The following PPP2R2B variants were observed in gnomAD, a reference collection of about 807,000 sequenced individuals.
PPP2R2B encodes protein phosphatase 2 regulatory subunit Bbeta.
Under a neutral mutation model 46.0 loss-of-function variants are expected in PPP2R2B, and 5 were observed. That is an observed-to-expected ratio of 0.11 (90% CI 0.06 to 0.23). The LOEUF is 0.23. Ranked by LOEUF, PPP2R2B falls within the 10% of genes least tolerant of loss-of-function variation. The probability of loss-of-function intolerance (pLI) is 1.00; values close to 1 mark genes in which losing one functional copy is unlikely to be tolerated. For missense variants in PPP2R2B, 367 were observed against 575.0 expected, an observed-to-expected ratio of 0.64 and a Z score of 3.70; for synonymous variants, 215 against 206.7, an observed-to-expected ratio of 1.04 and a Z score of -0.34.
intron 6 of PPP2R2B, among the ~76,000 whole-genome samples, chr5:146,644,234 C>A (rs1452401900): frequency 8.1e-4 from 49 of 60,652 alleles, no homozygotes; most frequent in African/African-American, 1.1e-3. Flanking sequence ...AGGAAAGTTT[C>A]AAAAAAAAAA....
chr5:146,984,010 A>T (rs922215038), intron 1 of PPP2R2B, among the ~76,000 whole-genome samples: 1 of 152,124 alleles, frequency 6.6e-6, no homozygotes, highest in Non-Finnish European at 1.5e-5. Flanking sequence ...TAATATTATG[A>T]TTTATGAACA....
chr5:146,791,341 C>T (rs1040643919), intron 2 of PPP2R2B, among the ~76,000 whole-genome samples: 4 of 151,986 alleles, frequency 2.6e-5, no homozygotes, highest in African/African-American at 9.7e-5. Context: ...AGTGTCGATC[C>T]CCCCTTTTTC....
intron 1 of PPP2R2B, among the ~76,000 whole-genome samples, chr5:147,025,385 GAAGA>G (rs761947261): frequency 6.6e-6 from 1 of 151,512 alleles, no homozygotes; most frequent in Non-Finnish European, 1.5e-5. Flanking sequence ...AAAAAATGGA[GAAGA>G]AAGAAACAAT....
chr5:146,912,322 T>C (rs1232865625), intron 1 of PPP2R2B, among the ~76,000 whole-genome samples: 2 of 148,560 alleles, frequency 1.3e-5, no homozygotes, highest in African/African-American at 2.5e-5. Context: ...GAGGAATCAG[T>C]GGCCACTTCC....
chr5:146,905,441 A>G (rs1762966107), intron 1 of PPP2R2B, among the ~76,000 whole-genome samples: 1 of 152,140 alleles, frequency 6.6e-6, no homozygotes, highest in Non-Finnish European at 1.5e-5. Flanking sequence ...GGATCTCACT[A>G]TGTTGACCAG....
rs908976391 is a variant in PPP2R2B at position 146,997,347 on chromosome 5, C to G, written c.79+58318G>C. Among the ~76,000 whole-genome samples, 11 of 152,326 alleles carry G rather than the reference C, an allele frequency of 7.2e-5. 1 individual carries two copies. The East Asian group carries it at 2.1e-3, about 29-fold the overall frequency. On this transcript the variant is annotated intron_variant, in intron 1 of 8. Coordinates refer to the PPP2R2B transcript ENST00000336640. The stretch of plus-strand genomic sequence containing the variant: ...GGTAAAAAACACTTGTGTCTATCAA[C>G]AGCAGCCATGGTATGAATGAGGGAA...
At chr5:146,744,612 G>A (rs1400950676) in intron 2 of PPP2R2B, among the ~76,000 whole-genome samples, 1 of 152,174 alleles carries the variant, frequency 6.6e-6, no homozygotes, top group Non-Finnish European at 1.5e-5. Context: ...ACTGGGATAT[G>A]AGCCAGGCAA....
At chr5:146,863,313 A>G (rs1286824597) in intron 2 of PPP2R2B, among the ~76,000 whole-genome samples, 1 of 152,020 alleles carries the variant, frequency 6.6e-6, no homozygotes, top group Non-Finnish European at 1.5e-5. Flanking sequence ...GAAACACTAA[A>G]CTGTCCTAAT....
intron 2 of PPP2R2B, among the ~76,000 whole-genome samples, chr5:146,852,843 T>C (rs1009814925): frequency 2.0e-5 from 3 of 152,078 alleles, no homozygotes; most frequent in East Asian, 1.9e-4. Flanking sequence ...AAAGGTCTAT[T>C]TGACAAAAAA....
At chr5:147,001,192 G>C (rs539558442) in intron 1 of PPP2R2B, among the ~76,000 whole-genome samples, 1 of 152,290 alleles carries the variant, frequency 6.6e-6, no homozygotes, top group East Asian at 1.9e-4. Flanking sequence ...ATAAAAGCTG[G>C]CCACCCAAGC....
chr5:146,662,330 C>A (rs1208374445), intron 5 of PPP2R2B, among the ~76,000 whole-genome samples: 1 of 152,140 alleles, frequency 6.6e-6, no homozygotes, highest in Non-Finnish European at 1.5e-5. Context: ...TCAGTTCTGC[C>A]TCCCACCAAC....
At chr5:146,663,822 T>C (rs1776817013) in intron 5 of PPP2R2B, among the ~76,000 whole-genome samples, 1 of 151,924 alleles carries the variant, frequency 6.6e-6, no homozygotes, top group Non-Finnish European at 1.5e-5. Flanking sequence ...TGTTGCAATT[T>C]ATTTTATTTT....
chr5:146,914,680 T>C (rs1349617808), intron 1 of PPP2R2B, among the ~76,000 whole-genome samples: 1 of 152,182 alleles, frequency 6.6e-6, no homozygotes, highest in African/African-American at 2.4e-5. Context: ...CATGAGTAGA[T>C]GGGGACACTG....
chr5:147,036,295 C>A (rs890379123), intron 1 of PPP2R2B, among the ~76,000 whole-genome samples: 1 of 152,070 alleles, frequency 6.6e-6, no homozygotes, highest in African/African-American at 2.4e-5. Flanking sequence ...GCTAGTTTGC[C>A]AAGGATAATG....
At chr5:146,872,925 A>G (rs1761697716) in intron 2 of PPP2R2B, among the ~76,000 whole-genome samples, 1 of 152,182 alleles carries the variant, frequency 6.6e-6, no homozygotes, top group Admixed American at 6.5e-5. Flanking sequence ...TATCTGAGGC[A>G]TCTCATCTAT....
At chr5:146,897,689 T>C (rs2151432636) in intron 1 of PPP2R2B, among the ~76,000 whole-genome samples, 1 of 152,264 alleles carries the variant, frequency 6.6e-6, no homozygotes, top group African/African-American at 2.4e-5. Flanking sequence ...CAGGGATACT[T>C]TTAGGGCCAG....
At chr5:146,636,454 A>G (rs776971289) in intron 7 of PPP2R2B, among the ~76,000 whole-genome samples, 124 of 152,370 alleles carry the variant, frequency 8.1e-4, no homozygotes, top group African/African-American at 2.6e-3. Flanking sequence ...TAAGGCTTCA[A>G]AGAAAATCTG....
At chr5:146,845,315 T>TTTTTTTTTTTTTTTTTTTTTTTG (rs1759924138) in intron 2 of PPP2R2B, among the ~76,000 whole-genome samples, 2 of 125,506 alleles carry the variant, frequency 1.6e-5, no homozygotes, top group Non-Finnish European at 1.7e-5. Flanking sequence ...CTTTTTTTTG[T>TTTTTTTTTTTTTTTTTTTTTTTG]TTTTTTTTGA....
At chr5:146,803,161 C>T (rs1041748746) in intron 2 of PPP2R2B, among the ~76,000 whole-genome samples, 1 of 152,150 alleles carries the variant, frequency 6.6e-6, no homozygotes, top group Non-Finnish European at 1.5e-5. Flanking sequence ...TGCTTTACAG[C>T]TACTATTATT....
Sources: gnomAD v4.1 joint callset for allele counts (sites outside exome capture counted in the v4.1 genomes callset) on GRCh38, gnomAD v4.1.1 for gene constraint, MANE v1.5 for transcripts, NCBI Gene and HGNC (gene_info 2026-07-23, HGNC 2026-07-21) for gene names.